The following FARP1 variants were observed in gnomAD, a reference collection of about 807,000 sequenced individuals.
FARP1 encodes the protein FERM, ARH/RhoGEF and pleckstrin domain protein 1.
A neutral mutation model predicts 128.8 loss-of-function variants in FARP1; 52 were observed. The ratio of observed to expected loss-of-function variants is 0.40; its 90% CI spans 0.32 to 0.51. The LOEUF is 0.51. Ranked by LOEUF, FARP1 falls within the 20% of genes least tolerant of loss-of-function variation. FARP1 has a pLI of 0.45. For synonymous variants in FARP1, 580 were observed against 551.8 expected (o/e 1.05, Z -0.72); for missense variants, 1,333 against 1,367.9 (o/e 0.97, Z 0.40).
At chr13:98,305,482 C>T (rs1265074692) in intron 2 of FARP1, among the ~76,000 whole-genome samples, 6 of 152,036 alleles carry the variant, frequency 3.9e-5, no homozygotes, top group South Asian at 2.1e-4. Flanking sequence ...TACAGGCACC[C>T]GCCACCACGC....
chr13:98,452,525 T>C lies in FARP1; in HGVS notation c.*4208T>C, dbSNP rs1163029038. ...GTGTTCTGTAAGAGAGGGGCATTAA[T>C]TATTAATGACAAACCCTGCAAATAC... On this transcript the variant is annotated 3_prime_UTR_variant, in exon 27 of 27. Transcript: ENST00000319562. The C allele has an allele frequency of 6.6e-6, 1 of 152,618 alleles. No homozygotes were observed. The highest frequency in any genetic ancestry group is 1.5e-5 in the Non-Finnish European group (1 of 68,056). The allele number at this position is 152,618 out of a possible 1,614,324, so 9.5% of individuals were successfully genotyped here.
chr13:98,436,976 C>T (rs1045255722), intron 19 of FARP1, among the ~76,000 whole-genome samples: 5 of 152,080 alleles, frequency 3.3e-5, no homozygotes, highest in Non-Finnish European at 2.9e-5. Context: ...AGGAGGTGGC[C>T]CTGGGTTCAA....
chr13:98,362,716 A>G (rs1888921702), intron 3 of FARP1, among the ~76,000 whole-genome samples: 1 of 152,096 alleles, frequency 6.6e-6, no homozygotes, highest in African/African-American at 2.4e-5. Flanking sequence ...CATTGTTTGT[A>G]TACTGTCTCT....
At chr13:98,212,335 C>T (rs768500006) in intron 1 of FARP1, among the ~76,000 whole-genome samples, 1 of 152,108 alleles carries the variant, frequency 6.6e-6, no homozygotes, top group Non-Finnish European at 1.5e-5. Context: ...GGATTACAGG[C>T]GTGAGCCACC....
rs373690693 is a variant in FARP1 at position 98,411,914 on chromosome 13, C to G, written c.1706C>G (p.Thr569Arg). 2 of 1,614,000 alleles carry G rather than the reference C, an allele frequency of 1.2e-6. No individual in the cohort carries two copies. The highest frequency in any genetic ancestry group is 1.3e-5 in the African/African-American group (1 of 74,932). Residue 569 changes from threonine to arginine, a missense_variant, in exon 16 of 27, where the codon ACA (threonine) becomes AGA (arginine). By Grantham distance (71) the Thr-to-Arg change is moderately conservative. This residue lies in a region of FARP1 where 1,009 missense variants were observed against 969.8 expected (regional missense o/e 1.04). Coordinates refer to ENST00000319562, the MANE Select transcript of FARP1 (RefSeq NM_005766.4). ...TCTTCTTTCCAGTGGTTTCAGAGCA[C>G]AGTGAGCAAAGAGGACGCCATGCCG... ...LEVITSWFQS[T>R]VSKEDAMPEA...
intron 2 of FARP1, among the ~76,000 whole-genome samples, chr13:98,246,197 G>A (rs1329802144): frequency 7.7e-6 from 1 of 130,262 alleles, no homozygotes; most frequent in Non-Finnish European, 1.5e-5. Context: ...TGGGGTTCAC[G>A]CCATTCTCCT....
At chr13:98,400,139 A>G (rs1379821155) in intron 13 of FARP1, 1 of 152,218 alleles carries the variant, frequency 6.6e-6, no homozygotes, top group Non-Finnish European at 1.5e-5. Context: ...TTTATTCTCA[A>G]GAACTTATTT....
intron 16 of FARP1, among the ~76,000 whole-genome samples, chr13:98,418,906 T>A (rs773815731): frequency 6.6e-6 from 1 of 152,196 alleles, no homozygotes; most frequent in African/African-American, 2.4e-5. Context: ...CTTATTCAAT[T>A]CGACCTGGTG....
chr13:98,263,143 G>A (rs1240516605), intron 2 of FARP1, among the ~76,000 whole-genome samples: 8 of 151,974 alleles, frequency 5.3e-5, no homozygotes, highest in Admixed American at 3.3e-4. Context: ...TGAGTAGCTG[G>A]GATTACATGC....
rs555684696 is a variant in FARP1 at position 98,177,664 on chromosome 13, A to C, written c.-24+34172A>C. The stretch of plus-strand genomic sequence containing the variant: ...CCTGTCTCAAATTAAAAAAAAAAAA[A>C]CCAAAAAAAAAGGCTTCTCCCGCCC... On this transcript the variant is annotated intron_variant, in intron 1 of 26. Transcript: ENST00000319562. Among the ~76,000 whole-genome samples the C allele has an allele frequency of 3.5e-3, 357 of 102,796 alleles. 1 individual carries two copies. The highest frequency in any genetic ancestry group is 9.6e-3 in the African/African-American group (339 of 35,300). The allele number at this position is 102,796 out of a possible 152,430, so 67.4% of individuals were successfully genotyped here.
In FARP1 at chr13:98,430,989, A is replaced by C. The variant is rs933763682; in HGVS notation, c.1906-54A>C. ...TTCCCCAAGTGAAACTGGGCAGAAC[A>C]CAGGTGCATCCCATTCAGCTGAACA... On this transcript the variant is annotated intron_variant, in intron 17 of 26. Coordinates refer to ENST00000319562, the MANE Select transcript of FARP1 (RefSeq NM_005766.4). 7.8e-6 allele frequency: 9 copies of C among 1,160,078 alleles called. No homozygotes were observed. The African/African-American group carries it at 1.4e-4, about 18-fold the overall frequency. 71.9% of individuals were successfully genotyped at this position (1,160,078 alleles called of 1,614,324 possible). A position where few individuals can be genotyped will look rare whatever the true frequency, so the allele number is the denominator to read the frequency against.
intron 2 of FARP1, among the ~76,000 whole-genome samples, chr13:98,300,751 A>C (rs553990739): frequency 1.3e-5 from 2 of 152,204 alleles, no homozygotes; most frequent in African/African-American, 4.8e-5. Flanking sequence ...ATGGTTTCAA[A>C]TATATATGGG....
Position 98,281,534 on chromosome 13 carries a change from A to G in FARP1, c.172-62228A>G, listed in dbSNP as rs1308838336. ...TCCTGTCAGGGAATCTGTATTCACT[A>G]CAGTCCACATTCACTCCATGTCTCT... On this transcript the variant is annotated intron_variant, in intron 2 of 26. Coordinates refer to ENST00000319562, the MANE Select transcript of FARP1 (RefSeq NM_005766.4). Among the ~76,000 whole-genome samples the G allele has an allele frequency of 2.0e-5, 3 of 152,156 alleles. No homozygotes were observed. The South Asian group carries it at 6.2e-4, about 32-fold the overall frequency.
At chr13:98,432,428 C>T (rs9517292) in intron 18 of FARP1, 56,486 of 152,184 alleles carry the variant, frequency 0.37, 10,767 homozygotes, top group Middle Eastern at 0.46. Flanking sequence ...CACGGGGCCA[C>T]GCGTGCTCTT....
chr13:98,202,217 T>C (rs1879997325), intron 1 of FARP1, among the ~76,000 whole-genome samples: 2 of 152,210 alleles, frequency 1.3e-5, no homozygotes, highest in African/African-American at 4.8e-5. Context: ...AAGGTGGCTT[T>C]GTGGCAGCTT....
intron 1 of FARP1, among the ~76,000 whole-genome samples, chr13:98,155,167 A>G (rs773304440): frequency 6.6e-6 from 1 of 151,988 alleles, no homozygotes; most frequent in Non-Finnish European, 1.5e-5. Flanking sequence ...ACCAACATGG[A>G]GAAACACCAT....
intron 2 of FARP1, among the ~76,000 whole-genome samples, chr13:98,300,440 C>T (rs374519952): frequency 7.9e-5 from 12 of 152,174 alleles, no homozygotes; most frequent in African/African-American, 2.7e-4. Flanking sequence ...CTTTGGGAGC[C>T]CTCTTGGTTT....
intron 17 of FARP1, 85 bp from the exon 18 acceptor site, chr13:98,430,958 C>T: frequency 3.7e-6 from 3 of 804,912 alleles, no homozygotes; most frequent in Non-Finnish European, 6.2e-6. Flanking sequence ...TGCAGGAGCG[C>T]TTCATTTCCC....
chr13:98,263,043 T>C (rs1449896589), intron 2 of FARP1, among the ~76,000 whole-genome samples: 1 of 152,174 alleles, frequency 6.6e-6, no homozygotes, highest in African/African-American at 2.4e-5. Context: ...AGCTTTGCTC[T>C]TGTTGCCCAG....
Sources: gnomAD v4.1 joint callset for allele counts (sites outside exome capture counted in the v4.1 genomes callset) on GRCh38, gnomAD v4.1.1 for gene constraint, gnomAD v4.1.1 regional missense constraint, MANE v1.5 for transcripts, NCBI Gene and HGNC (gene_info 2026-07-23, HGNC 2026-07-21) for gene names.